The following MFHAS1 variants were observed in gnomAD, a reference collection of about 807,000 sequenced individuals.
MFHAS1 encodes malignant fibrous histiocytoma-amplified sequence 1.
Under a neutral mutation model 70.4 loss-of-function variants are expected in MFHAS1, and 50 were observed. The ratio of observed to expected loss-of-function variants is 0.71; its 90% CI spans 0.57 to 0.90. The LOEUF (loss-of-function observed/expected upper bound fraction) is 0.90, where lower values mean the gene tolerates loss of function less well. Ranked by LOEUF, MFHAS1 falls within the 40% of genes least tolerant of loss-of-function variation. The pLI is 0.00. For missense variants in MFHAS1, 1,795 were observed against 1,347.6 expected, an observed-to-expected ratio of 1.33 and a Z score of -5.20; for synonymous variants, 952 against 620.0, an observed-to-expected ratio of 1.54 and a Z score of -7.96.
At chr8:8,843,440 A>G (rs1291921432) in intron 1 of MFHAS1, among the ~76,000 whole-genome samples, 2 of 152,050 alleles carry the variant, frequency 1.3e-5, no homozygotes, top group Non-Finnish European at 2.9e-5. Context: ...AGAAACTCAG[A>G]TACGGTGTTG....
At chr8:8,864,720 T>C (rs1399710557) in intron 1 of MFHAS1, among the ~76,000 whole-genome samples, 2 of 152,168 alleles carry the variant, frequency 1.3e-5, no homozygotes, top group African/African-American at 4.8e-5. Context: ...CATGCCAGGA[T>C]AAAAGTCCTT....
chr8:8,875,506 G>C (rs1478027688), intron 1 of MFHAS1, among the ~76,000 whole-genome samples: 1 of 152,156 alleles, frequency 6.6e-6, no homozygotes, highest in African/African-American at 2.4e-5. Flanking sequence ...GCTTAAGGAG[G>C]AAACAAAGCT....
intron 1 of MFHAS1, among the ~76,000 whole-genome samples, chr8:8,801,807 G>A (rs1477075689): frequency 6.6e-6 from 1 of 152,180 alleles, no homozygotes; most frequent in African/African-American, 2.4e-5. Context: ...GTCCACAGGG[G>A]AGGCCAGGTG....
intron 1 of MFHAS1, among the ~76,000 whole-genome samples, chr8:8,852,324 A>C (rs564278296): frequency 6.6e-6 from 1 of 152,256 alleles, no homozygotes; most frequent in Non-Finnish European, 1.5e-5. Context: ...AAATACAAAA[A>C]TTAGCTGGGT....
intron 1 of MFHAS1, among the ~76,000 whole-genome samples, chr8:8,888,601 T>G (rs531658160): frequency 3.3e-5 from 5 of 151,980 alleles, no homozygotes; most frequent in Non-Finnish European, 7.4e-5. Context: ...AACTAAAAAC[T>G]AGTTTGATAC....
chr8:8,798,858 C>T (rs534125760), intron 1 of MFHAS1, among the ~76,000 whole-genome samples: 203 of 152,062 alleles, frequency 1.3e-3, no homozygotes, highest in African/African-American at 3.9e-3. Flanking sequence ...ACCAGCCTGG[C>T]CAATAAGGTG....
Position 8,893,097 on chromosome 8 carries a change from A to T in MFHAS1, c.-39T>A, listed in dbSNP as rs1340919158. Reference sequence around the variant, plus strand: ...GCCGACAGCCTCACGCGGACGCGGGAGCCCGCAGCTACATGCCGCGCCGCG... The same window carrying T: ...GCCGACAGCCTCACGCGGACGCGGGTGCCCGCAGCTACATGCCGCGCCGCG... On this transcript the variant is annotated 5_prime_UTR_variant, in exon 1 of 3. Coordinates refer to ENST00000276282, the MANE Select transcript of MFHAS1 (RefSeq NM_004225.3). 2 of 1,390,982 alleles carry T rather than the reference A, an allele frequency of 1.4e-6. No homozygotes were observed. Among genetic ancestry groups the T allele is most frequent in the Non-Finnish European group, 1.9e-6 (2 of 1,068,248 alleles). 86.2% of individuals were successfully genotyped at this position (1,390,982 alleles called of 1,614,324 possible). A position where few individuals can be genotyped will look rare whatever the true frequency, so the allele number is the denominator to read the frequency against.
At chr8:8,811,759 G>A (rs1044642101) in intron 1 of MFHAS1, among the ~76,000 whole-genome samples, 5 of 152,218 alleles carry the variant, frequency 3.3e-5, no homozygotes, top group South Asian at 2.1e-4. Flanking sequence ...GTTAAAGAAC[G>A]AAACTCATCC....
At chr8:8,850,579 C>G (rs531191333) in intron 1 of MFHAS1, among the ~76,000 whole-genome samples, 1 of 152,088 alleles carries the variant, frequency 6.6e-6, no homozygotes, top group South Asian at 2.1e-4. Flanking sequence ...CGGTAGCTCA[C>G]GCCTGTAATT....
intron 1 of MFHAS1, among the ~76,000 whole-genome samples, chr8:8,830,717 C>G (rs528500118): frequency 1.3e-5 from 2 of 152,164 alleles, no homozygotes; most frequent in African/African-American, 4.8e-5. Flanking sequence ...ATTCACATGC[C>G]TCAGCCTCCC....
At chr8:8,812,992 T>G (rs1806606874) in intron 1 of MFHAS1, among the ~76,000 whole-genome samples, 1 of 152,120 alleles carries the variant, frequency 6.6e-6, no homozygotes, top group African/African-American at 2.4e-5. Flanking sequence ...GTCTCAAACT[T>G]GTGACCTCAA....
In MFHAS1 at chr8:8,817,265, GA is replaced by G. The variant is rs533545384; in HGVS notation, c.2999-19775del. On this transcript the variant is annotated intron_variant, in intron 1 of 2. Transcript: ENST00000276282. ...AAATTTACCCTGGCTTCTATGAAAGGAAAAAAAAAAAGCACTTGATTTCTTG... is the reference window on the plus strand; with the variant it reads ...AAATTTACCCTGGCTTCTATGAAAGGAAAAAAAAAAGCACTTGATTTCTTG... 1.7e-3 allele frequency among the ~76,000 whole-genome samples: 235 copies of G among 141,880 alleles called. 3 individuals are homozygous for G. In the East Asian group the frequency reaches 0.028, roughly 17 times the overall value. 93.1% of individuals were successfully genotyped at this position (141,880 alleles called of 152,430 possible).
chr8:8,893,612 G>A lies in MFHAS1; in HGVS notation c.-554C>T, dbSNP rs531865950. On this transcript the variant is annotated 5_prime_UTR_variant, in exon 1 of 3. Transcript: ENST00000276282. ...GGCGCCGCGTCCCCGGCGCTGGGAG[G>A]GCGCGATTGGGAAGCGGCAGCGCCG... is the stretch of plus-strand genomic sequence containing the variant. 2 of 147,030 alleles carry A rather than the reference G, an allele frequency of 1.4e-5. No individual in the cohort carries two copies. The highest frequency in any genetic ancestry group is 4.1e-4 in the South Asian group (2 of 4,822). 9.1% of individuals were successfully genotyped at this position (147,030 alleles called of 1,614,324 possible).
At chr8:8,835,411 G>A (rs1013227005) in intron 1 of MFHAS1, among the ~76,000 whole-genome samples, 5 of 152,174 alleles carry the variant, frequency 3.3e-5, no homozygotes, top group Non-Finnish European at 7.3e-5. Context: ...TCCCGGAGCA[G>A]AGTTACGAGA....
At chr8:8,883,212 C>A (rs1376546735) in intron 1 of MFHAS1, among the ~76,000 whole-genome samples, 1 of 152,094 alleles carries the variant, frequency 6.6e-6, no homozygotes, top group Non-Finnish European at 1.5e-5. Context: ...GAGACCTGAG[C>A]CTACCTGATG....
intron 1 of MFHAS1, 131 bp downstream of exon 1, chr8:8,889,928 CTG>C (rs1169900599): frequency 2.4e-5 from 17 of 714,184 alleles, no homozygotes; most frequent in South Asian, 6.0e-5. Context: ...CCAAATCTCC[CTG>C]TGTTTCCCTT....
At chr8:8,835,508 C>T (rs964426093) in intron 1 of MFHAS1, among the ~76,000 whole-genome samples, 4 of 152,156 alleles carry the variant, frequency 2.6e-5, no homozygotes, top group African/African-American at 9.7e-5. Context: ...CCCTCATTTT[C>T]CTCACGATGA....
intron 2 of MFHAS1, among the ~76,000 whole-genome samples, chr8:8,789,620 T>C (rs760197314): frequency 2.6e-5 from 4 of 152,210 alleles, no homozygotes; most frequent in Non-Finnish European, 5.9e-5. Flanking sequence ...CCATGTCTTT[T>C]ATTTTCTGTA....
intron 2 of MFHAS1, among the ~76,000 whole-genome samples, chr8:8,789,121 G>A (rs1805645487): frequency 6.6e-6 from 1 of 152,082 alleles, no homozygotes; most frequent in African/African-American, 2.4e-5. Context: ...TGGCAGAGAC[G>A]GGGGAAGTGG....
Sources: gnomAD v4.1 joint callset for allele counts (sites outside exome capture counted in the v4.1 genomes callset) on GRCh38, gnomAD v4.1.1 for gene constraint, MANE v1.5 for transcripts, NCBI Gene and HGNC (gene_info 2026-07-23, HGNC 2026-07-21) for gene names.